The following COL8A1 variants were observed in gnomAD, a reference collection of about 807,000 sequenced individuals.
The protein encoded by COL8A1 is collagen type VIII alpha 1 chain, also known as collagen alpha-1(VIII) chain.
COL8A1 carries 21 observed loss-of-function variants against 42.7 expected under a neutral mutation model. That is an observed-to-expected ratio of 0.49 (90% confidence interval 0.35 to 0.71). The LOEUF (loss-of-function observed/expected upper bound fraction) is 0.71, where lower values mean the gene tolerates loss of function less well. COL8A1 is among the 30% of genes least tolerant of loss of function. The pLI, the probability that COL8A1 is intolerant of heterozygous loss-of-function variation, is 0.01. For synonymous variants in COL8A1, 367 were observed against 369.1 expected, an observed-to-expected ratio of 0.99 and a Z score of 0.06; for missense variants, 788 against 962.4, an observed-to-expected ratio of 0.82 and a Z score of 2.40.
In COL8A1 at chr3:99,685,295, C is replaced by T. The variant is rs372329981; in HGVS notation, c.-129+46631C>T. On this transcript the variant is annotated intron_variant, in intron 1 of 3. Coordinates refer to ENST00000652472, the MANE Select transcript of COL8A1 (RefSeq NM_020351.4). ...TTTGGTATGCCCCAAATCTTAATAT[C>T]TTCCAAATGCCATACATTTCAGGCT... is the stretch of plus-strand genomic sequence containing the variant. 3.5e-4 allele frequency: 53 copies of T among 152,256 alleles called. 1 individual carries two copies. The East Asian group carries it at 7.3e-3, about 21-fold the overall frequency. 9.4% of individuals were successfully genotyped at this position (152,256 alleles called of 1,614,324 possible). A position where few individuals can be genotyped will look rare whatever the true frequency, so the allele number is the denominator to read the frequency against.
Position 99,790,882 on chromosome 3 carries a change from G to T in COL8A1, c.200G>T (p.Gly67Val), listed in dbSNP as rs1476181187. Residue 67 changes from glycine to valine, a missense_variant, in exon 3 of 4, where the codon GGC (glycine) becomes GTC (valine). Transcript: ENST00000652472. ...QVPHMPLAKD[G>V]LAMGKEMPHL... The stretch of plus-strand genomic sequence containing the variant: ...CCTCACATGCCTTTGGCCAAAGATG[G>T]CCTTGCCATGGGCAAGGAGATGCCC... 6.2e-7 allele frequency: 1 copy of T among 1,614,118 alleles called. No individual in the cohort carries two copies. The highest frequency in any genetic ancestry group is 1.7e-5 in the Admixed American group (1 of 60,010).
intron 1 of COL8A1, among the ~76,000 whole-genome samples, chr3:99,710,493 T>C (rs1188186578): frequency 6.6e-6 from 1 of 152,210 alleles, no homozygotes; most frequent in African/African-American, 2.4e-5. Flanking sequence ...AAGTTGCCAG[T>C]GGCCCATAAG....
intron 2 of COL8A1, among the ~76,000 whole-genome samples, chr3:99,782,761 G>A (rs1941819023): frequency 6.6e-6 from 1 of 152,108 alleles, no homozygotes; most frequent in African/African-American, 2.4e-5. Flanking sequence ...TTTAGAAGTA[G>A]AAGGGACCTC....
At chr3:99,732,476 C>A (rs1940542127) in intron 1 of COL8A1, among the ~76,000 whole-genome samples, 1 of 152,032 alleles carries the variant, frequency 6.6e-6, no homozygotes, top group East Asian at 1.9e-4. Context: ...AGGAGAAGTG[C>A]CAAGCAAAAG....
chr3:99,712,953 T>A (rs959892476), intron 1 of COL8A1, among the ~76,000 whole-genome samples: 9 of 152,214 alleles, frequency 5.9e-5, no homozygotes, highest in African/African-American at 2.2e-4. Flanking sequence ...TCTCAAGTCT[T>A]TTATAGACTC....
intron 1 of COL8A1, among the ~76,000 whole-genome samples, chr3:99,696,847 A>G (rs962631418): frequency 2.0e-5 from 3 of 152,214 alleles, no homozygotes; most frequent in Non-Finnish European, 2.9e-5. Flanking sequence ...TAACCGATTC[A>G]GCTCTACTTT....
At chr3:99,645,615 C>T (rs909150271) in intron 1 of COL8A1, among the ~76,000 whole-genome samples, 1 of 151,192 alleles carries the variant, frequency 6.6e-6, no homozygotes, top group South Asian at 2.1e-4. Context: ...TTTTTCGGAT[C>T]GAAGGCAGAG....
At chr3:99,665,673 CTTTTTTT>C (rs67004417) in intron 1 of COL8A1, among the ~76,000 whole-genome samples, 10 of 70,220 alleles carry the variant, frequency 1.4e-4, no homozygotes, top group East Asian at 1.2e-3. Flanking sequence ...TGAATTAATT[CTTTTTTT>C]TTTTTTTTTT....
intron 1 of COL8A1, chr3:99,678,860 A>G (rs138195847): frequency 1.8e-4 from 28 of 152,214 alleles, no homozygotes; most frequent in African/African-American, 6.5e-4. Flanking sequence ...TCAAAAACCA[A>G]CTCCTTAGGA....
At chr3:99,743,991 C>G (rs62283488) in intron 1 of COL8A1, among the ~76,000 whole-genome samples, 11,649 of 151,192 alleles carry the variant, frequency 0.077, 563 homozygotes, top group Middle Eastern at 0.11. Context: ...TGCAGTGGCG[C>G]GATCTCGGCT....
At chr3:99,740,027 T>C (rs1246068267) in intron 1 of COL8A1, among the ~76,000 whole-genome samples, 1 of 152,168 alleles carries the variant, frequency 6.6e-6, no homozygotes, top group African/African-American at 2.4e-5. Context: ...TCCACAAATC[T>C]CTAGGGCAGG....
chr3:99,711,568 C>G (rs747507742), intron 1 of COL8A1, among the ~76,000 whole-genome samples: 1 of 152,088 alleles, frequency 6.6e-6, no homozygotes, highest in Non-Finnish European at 1.5e-5. Context: ...CAGTTCTCAC[C>G]AGACAAACAA....
intron 1 of COL8A1, among the ~76,000 whole-genome samples, chr3:99,725,892 T>C (rs1940301865): frequency 6.6e-6 from 1 of 152,134 alleles, no homozygotes; most frequent in African/African-American, 2.4e-5. Context: ...CATATGTCTT[T>C]ATAGCAGCAT....
At chr3:99,695,236 C>G in intron 1 of COL8A1, among the ~76,000 whole-genome samples, 1 of 152,108 alleles carries the variant, frequency 6.6e-6, no homozygotes, top group East Asian at 1.9e-4. Context: ...ATAAAAATTA[C>G]TCAAGAGGTA....
chr3:99,737,795 C>G (rs910636588), intron 1 of COL8A1, among the ~76,000 whole-genome samples: 3 of 151,966 alleles, frequency 2.0e-5, no homozygotes, highest in African/African-American at 4.8e-5. Flanking sequence ...TGGGGAAGTT[C>G]TCCTGGATAA....
intron 1 of COL8A1, among the ~76,000 whole-genome samples, chr3:99,645,590 G>A (rs1322275191): frequency 6.6e-6 from 1 of 151,894 alleles, no homozygotes; most frequent in Non-Finnish European, 1.5e-5. Context: ...CCCAGAAGGG[G>A]CCTTTAGATT....
rs1942055532 is a variant in COL8A1 at position 99,794,143 on chromosome 3, TC to T, written c.329-86del. On this transcript the variant is annotated intron_variant, in intron 3 of 3. Coordinates refer to ENST00000652472, the MANE Select transcript of COL8A1 (RefSeq NM_020351.4). The surrounding 1 kb of genome is among the most constrained non-coding windows in gnomAD (Gnocchi z 4.3). ...ATGTGTCAGAACTAAATAATGGTTG[TC>T]AGTACTTCATTGATGTGAGAGACAA... The T allele has an allele frequency of 2.5e-6, 2 of 798,562 alleles. No homozygotes were observed. Among genetic ancestry groups the T allele is most frequent in the Non-Finnish European group, 4.0e-6 (2 of 503,542 alleles). The allele number at this position is 798,562 out of a possible 1,614,324, so 49.5% of individuals were successfully genotyped here.
In COL8A1 at chr3:99,797,637, T is replaced by A. The variant is rs1942128420; in HGVS notation, c.*1501T>A. The A allele has an allele frequency of 1.3e-5, 2 of 152,020 alleles. No homozygotes were observed. Among genetic ancestry groups the A allele is most frequent in the Non-Finnish European group, 2.9e-5 (2 of 68,020 alleles). 9.4% of individuals were successfully genotyped at this position (152,020 alleles called of 1,614,324 possible). ...GGAGTTTCAGAATTACATAGAAAAA[T>A]TAATATTTGAAAAAATAATTCTGAA... On this transcript the variant is annotated 3_prime_UTR_variant, in exon 4 of 4. Coordinates refer to ENST00000652472, the MANE Select transcript of COL8A1 (RefSeq NM_020351.4).
intron 1 of COL8A1, among the ~76,000 whole-genome samples, chr3:99,661,297 A>T (rs902578314): frequency 2.0e-5 from 3 of 152,210 alleles, no homozygotes; most frequent in Non-Finnish European, 4.4e-5. Context: ...CGAACAAAAG[A>T]CTTAAATAGA....
Sources: allele counts gnomAD v4.1 joint callset (sites outside exome capture counted in the v4.1 genomes callset), GRCh38; gene constraint gnomAD v4.1.1; non-coding constraint Gnocchi (gnomAD v3.1); transcripts MANE v1.5; gene names NCBI Gene and HGNC (gene_info 2026-07-23, HGNC 2026-07-21).